Variants in CDH22 observed in about 807,000 individuals in gnomAD.
The protein encoded by CDH22 is cadherin-22.
Under a neutral mutation model 58.4 loss-of-function variants are expected in CDH22, and 30 were observed. The ratio of observed to expected loss-of-function variants is 0.51; its 90% confidence interval spans 0.38 to 0.70. The LOEUF is 0.70. CDH22 is among the 30% of genes least tolerant of loss of function. The probability of loss-of-function intolerance (pLI) is 0.00; values close to 1 mark genes in which losing one functional copy is unlikely to be tolerated. For missense variants in CDH22, 1,014 were observed against 1,233.9 expected, an observed-to-expected ratio of 0.82 and a Z score of 2.67; for synonymous variants, 513 against 558.2, an observed-to-expected ratio of 0.92 and a Z score of 1.14.
At chr20:46,204,453 A>C (rs1648726597) in intron 7 of CDH22, among the ~76,000 whole-genome samples, 1 of 150,878 alleles carries the variant, frequency 6.6e-6, no homozygotes. Flanking sequence ...CCTACCTCAC[A>C]GGCTGGTTGT....
chr20:46,245,856 G>A (rs1207425969), intron 2 of CDH22, among the ~76,000 whole-genome samples: 3 of 152,010 alleles, frequency 2.0e-5, no homozygotes, highest in Admixed American at 6.5e-5. Flanking sequence ...CTCTCTCCCC[G>A]TCGTGTAGAT....
intron 1 of CDH22, among the ~76,000 whole-genome samples, chr20:46,279,884 G>A (rs1456994615): frequency 1.3e-5 from 2 of 152,234 alleles, no homozygotes; most frequent in Non-Finnish European, 2.9e-5. Flanking sequence ...GAGAGAATGT[G>A]TAATTCATTT....
chr20:46,273,082 G>T lies in CDH22; in HGVS notation c.-399-21389C>A, dbSNP rs539780008. On this transcript the variant is annotated intron_variant, in intron 1 of 11. Coordinates refer to ENST00000537909, the MANE Select transcript of CDH22 (RefSeq NM_021248.3). Reference sequence around the variant, plus strand: ...TCTCTGGTTCACCCTTACCCCAAGGGTGAATCCTTTGGAGTTCCAGTTTAT... The same window carrying T: ...TCTCTGGTTCACCCTTACCCCAAGGTTGAATCCTTTGGAGTTCCAGTTTAT... Among the ~76,000 whole-genome samples, 22 of 152,256 alleles carry T rather than the reference G, an allele frequency of 1.4e-4. No individual in the cohort carries two copies. In the South Asian group the frequency reaches 4.6e-3, roughly 32 times the overall value.
At chr20:46,218,963 C>T (rs1352988360) in intron 4 of CDH22, among the ~76,000 whole-genome samples, 2 of 152,180 alleles carry the variant, frequency 1.3e-5, no homozygotes, top group Admixed American at 6.5e-5. Flanking sequence ...CCCCATGCTG[C>T]GCCCCATAAA....
At chr20:46,179,210 GC>G (rs1285429018) in intron 10 of CDH22, among the ~76,000 whole-genome samples, 1 of 152,220 alleles carries the variant, frequency 6.6e-6, no homozygotes, top group Non-Finnish European at 1.5e-5. Flanking sequence ...GAAGGCTGCT[GC>G]CCCTCCCTTC....
At chr20:46,305,928 GTTCC>G (rs2086674296) in intron 1 of CDH22, among the ~76,000 whole-genome samples, 1 of 152,206 alleles carries the variant, frequency 6.6e-6, no homozygotes, top group Non-Finnish European at 1.5e-5. Context: ...GGCTTTGGGG[GTTCC>G]AACCTCTAGG....
chr20:46,210,186 C>A lies in CDH22; in HGVS notation c.1286+121G>T, dbSNP rs965365487. On this transcript the variant is annotated intron_variant, in intron 7 of 11. Transcript: ENST00000537909. This position sits in a 1 kb window ranked among gnomAD's most constrained non-coding sequence, Gnocchi z 4.5. ...CGCCTCTCTCCGCGCCTCCCTCCCC[C>A]ACGCAGCCCCTTCCTTCGGCCCTGC... 9.4e-6 allele frequency: 10 copies of A among 1,062,990 alleles called. No homozygotes were observed. Among genetic ancestry groups the A allele is most frequent in the Non-Finnish European group, 1.2e-5 (10 of 805,764 alleles). 65.8% of individuals were successfully genotyped at this position (1,062,990 alleles called of 1,614,324 possible).
At chr20:46,234,343 T>C (rs1463642987) in intron 3 of CDH22, among the ~76,000 whole-genome samples, 2 of 152,266 alleles carry the variant, frequency 1.3e-5, no homozygotes, top group African/African-American at 2.4e-5. Context: ...CTTCTGGGTC[T>C]AGTTCTGGCT....
chr20:46,251,038 A>G lies in CDH22; in HGVS notation c.255+2T>C. On this transcript the variant is annotated splice_donor_variant, in intron 2 of 11. Coordinates refer to ENST00000537909, the MANE Select transcript of CDH22 (RefSeq NM_021248.3). LOFTEE classifies it high-confidence loss of function. The surrounding 1 kb of genome is among the most constrained non-coding windows in gnomAD (Gnocchi z 6.7). The stretch of plus-strand genomic sequence containing the variant: ...TGGAGTTGGAGTGGGGCCCCACTTT[A>G]CCTTGCCCACATACAGGGGCTCCGT... The G allele has an allele frequency of 6.2e-7, 1 of 1,602,156 alleles. No homozygotes were observed. The highest frequency in any genetic ancestry group is 8.5e-7 in the Non-Finnish European group (1 of 1,170,888).
intron 3 of CDH22, among the ~76,000 whole-genome samples, chr20:46,238,192 A>G (rs2086267127): frequency 6.6e-6 from 1 of 152,116 alleles, no homozygotes; most frequent in African/African-American, 2.4e-5. Flanking sequence ...TTCCTTCTCT[A>G]GCATCAGCTC....
At chr20:46,223,666 C>CCTCTTTCT (rs796582914) in intron 4 of CDH22, among the ~76,000 whole-genome samples, 2 of 115,524 alleles carry the variant, frequency 1.7e-5, no homozygotes, top group South Asian at 3.1e-4. Flanking sequence ...TTTTTCTTTC[C>CCTCTTTCT]TTCTTTCTTT....
chr20:46,252,571 A>G (rs952948748), intron 1 of CDH22, among the ~76,000 whole-genome samples: 1 of 152,220 alleles, frequency 6.6e-6, no homozygotes, highest in Non-Finnish European at 1.5e-5. Flanking sequence ...GGGGACAGCG[A>G]TGCTGCTTAA....
chr20:46,284,601 G>C (rs1198274763), intron 1 of CDH22, among the ~76,000 whole-genome samples: 1 of 152,192 alleles, frequency 6.6e-6, no homozygotes, highest in Non-Finnish European at 1.5e-5. Context: ...CCTGTCAGTT[G>C]TTTTCAACTG....
At chr20:46,282,755 G>C (rs186809081) in intron 1 of CDH22, among the ~76,000 whole-genome samples, 1 of 151,990 alleles carries the variant, frequency 6.6e-6, no homozygotes, top group African/African-American at 2.4e-5. Flanking sequence ...TCCCCCGGGG[G>C]AGGGAAGGGT....
intron 10 of CDH22, among the ~76,000 whole-genome samples, chr20:46,182,570 C>T (rs1455914713): frequency 6.6e-6 from 1 of 152,182 alleles, no homozygotes; most frequent in Non-Finnish European, 1.5e-5. Flanking sequence ...ACCACTCCTC[C>T]ACCCCATGAA....
chr20:46,223,245 G>A (rs530343585), intron 4 of CDH22, among the ~76,000 whole-genome samples: 1 of 152,290 alleles, frequency 6.6e-6, no homozygotes, highest in South Asian at 2.1e-4. Context: ...GGGGGATGCT[G>A]TTTCTTAGAA....
At position 46,178,059 on chromosome 20, in the gene CDH22, C is replaced by T. The variant is rs1273279455; in HGVS notation, c.1802G>A (p.Gly601Asp). 6.2e-7 allele frequency: 1 copy of T among 1,614,110 alleles called. No homozygotes were observed. The highest frequency in any genetic ancestry group is 2.2e-5 in the East Asian group (1 of 44,876). Residue 601 changes from glycine to aspartate, a missense_variant, in exon 11 of 12, where the codon GGC (glycine) becomes GAC (aspartate). This residue lies in a region of CDH22 where 806 missense variants were observed against 1,038.7 expected (regional missense o/e 0.78). Transcript: ENST00000537909. ...CTGGATGGTGCCGGAGCTGTCGCAG[C>T]CACAGATGCGGATGGTGAGCGTGCC... is the stretch of plus-strand genomic sequence containing the variant. Reference protein sequence around the residue: ...STGTLTIRICGCDSSGTIQSC... With the variant: ...STGTLTIRICDCDSSGTIQSC...
chr20:46,177,930 C>G lies in CDH22; in HGVS notation c.1915+16G>C. On this transcript the variant is annotated intron_variant, in intron 11 of 11. Transcript: ENST00000537909. ...GGGCCAATCAGGCAGGGCTGGGTGG[C>G]TCTCGATGGACTCACCAACCAGGAT... 1 of 1,612,112 alleles carries G rather than the reference C, an allele frequency of 6.2e-7. No individual in the cohort carries two copies. The highest frequency in any genetic ancestry group is 8.5e-7 in the Non-Finnish European group (1 of 1,178,824).
At chr20:46,291,020 G>A (rs1302190784) in intron 1 of CDH22, among the ~76,000 whole-genome samples, 1 of 152,190 alleles carries the variant, frequency 6.6e-6, no homozygotes, top group African/African-American at 2.4e-5. Flanking sequence ...GCTCACTCCT[G>A]TAATCCCAGC....
Sources: allele counts gnomAD v4.1 joint callset (sites outside exome capture counted in the v4.1 genomes callset), GRCh38; gene constraint gnomAD v4.1.1; regional missense constraint gnomAD v4.1.1; non-coding constraint Gnocchi (gnomAD v3.1); transcripts MANE v1.5; gene names NCBI Gene and HGNC (gene_info 2026-07-23, HGNC 2026-07-21).